The following SGK3 variants were observed in gnomAD, a reference collection of about 807,000 sequenced individuals.
The protein encoded by SGK3 is serine/threonine-protein kinase Sgk3.
A neutral mutation model predicts 68.5 loss-of-function variants in SGK3; 47 were observed. The observed-to-expected ratio is 0.69, with a 90% CI of 0.54 to 0.87. The LOEUF is 0.87. Among genes scored for constraint, SGK3 ranks in the 40% least tolerant of loss-of-function variants. The pLI is 0.00. For missense variants in SGK3, 479 were observed against 575.5 expected (o/e 0.83, Z 1.72); for synonymous variants, 181 against 189.1 (o/e 0.96, Z 0.35).
chr8:66,835,786 G>A lies in SGK3; in HGVS notation c.549G>A (p.Leu183=). 9 of 1,612,054 alleles carry A rather than the reference G, an allele frequency of 5.6e-6. No homozygotes were observed. Among genetic ancestry groups the A allele is most frequent in the Non-Finnish European group, 7.6e-6 (9 of 1,179,516 alleles). ...AGGTTCTTCTTGCAAAACGGAAACT[G>A]GATGGAAAATTTTATGCTGTCAAAG... ...FGKVLLAKRK[L]DGKFYAVKVL... The change falls in exon 9 of 17, where the codon CTG becomes CTA. Residue 183 remains leucine (L), a synonymous_variant. Coordinates refer to ENST00000521198, the MANE Select transcript of SGK3 (RefSeq NM_001033578.3).
At chr8:66,783,560 C>T (rs955836676) in intron 1 of SGK3, among the ~76,000 whole-genome samples, 3 of 152,164 alleles carry the variant, frequency 2.0e-5, no homozygotes, top group African/African-American at 4.8e-5. Context: ...CTCTGGCACC[C>T]GGCCTGGAGT....
chr8:66,767,781 T>C (rs1806368136), intron 1 of SGK3: 1 of 1,574,954 alleles, frequency 6.3e-7, no homozygotes, highest in African/African-American at 1.4e-5. Context: ...CATTGGTCTT[T>C]ACTGACTTTT....
intron 2 of SGK3, among the ~76,000 whole-genome samples, chr8:66,795,359 G>A (rs1807637388): frequency 6.6e-6 from 1 of 152,166 alleles, no homozygotes. Flanking sequence ...TATATTGCAG[G>A]AATATCTTCA....
intron 13 of SGK3, among the ~76,000 whole-genome samples, chr8:66,841,911 A>G (rs184620788): frequency 1.3e-5 from 2 of 152,290 alleles, no homozygotes; most frequent in Admixed American, 1.3e-4. Flanking sequence ...GAACTGTCCA[A>G]ATTCCAAGGT....
intron 16 of SGK3, among the ~76,000 whole-genome samples, chr8:66,858,898 T>C (rs928542223): frequency 2.0e-5 from 3 of 152,144 alleles, no homozygotes; most frequent in African/African-American, 7.2e-5. Flanking sequence ...TGGACACCCC[T>C]GTTTTAGGAG....
intron 1 of SGK3, chr8:66,767,503 T>C (rs981226516): frequency 1.3e-6 from 2 of 1,510,208 alleles, no homozygotes; most frequent in Non-Finnish European, 1.8e-6. Context: ...AGAGGGCATC[T>C]TCAAAGGTGA....
At chr8:66,776,942 A>G (rs1806736333) in intron 1 of SGK3, among the ~76,000 whole-genome samples, 1 of 152,246 alleles carries the variant, frequency 6.6e-6, no homozygotes. Flanking sequence ...GTAAACAGCC[A>G]GTATAAACAA....
intron 1 of SGK3, among the ~76,000 whole-genome samples, chr8:66,749,463 CT>C (rs1455880260): frequency 6.6e-6 from 1 of 152,094 alleles, no homozygotes; most frequent in Non-Finnish European, 1.5e-5. Flanking sequence ...TTGATGGACA[CT>C]TGGGTTGTTG....
chr8:66,836,771 C>CTTT (rs35857638), intron 10 of SGK3, among the ~76,000 whole-genome samples: 50 of 118,078 alleles, frequency 4.2e-4, no homozygotes, highest in Non-Finnish European at 6.0e-4. Context: ...GTCAGGATAT[C>CTTT]TTTTTTTTTT....
chr8:66,817,408 C>T (rs555206156), intron 5 of SGK3, among the ~76,000 whole-genome samples: 1 of 151,258 alleles, frequency 6.6e-6, no homozygotes, highest in Non-Finnish European at 1.5e-5. Context: ...TCCAGCCTGG[C>T]GACAGAGTGA....
intron 1 of SGK3, among the ~76,000 whole-genome samples, chr8:66,786,455 GC>G (rs1335876236): frequency 1.3e-5 from 2 of 152,184 alleles, no homozygotes; most frequent in African/African-American, 4.8e-5. Flanking sequence ...CTTATAATAA[GC>G]TTAGCCACTA....
chr8:66,819,530 A>G (rs960013428), intron 5 of SGK3, among the ~76,000 whole-genome samples: 8 of 152,224 alleles, frequency 5.3e-5, no homozygotes, highest in African/African-American at 1.7e-4. Context: ...TCATGTATCT[A>G]TCAAAAGTGA....
intron 1 of SGK3, among the ~76,000 whole-genome samples, chr8:66,773,603 G>A (rs1417886800): frequency 6.6e-6 from 1 of 152,116 alleles, no homozygotes; most frequent in Non-Finnish European, 1.5e-5. Flanking sequence ...TCAGCATCAC[G>A]ACTCTTGCAC....
At chr8:66,755,362 C>G (rs776328367) in intron 1 of SGK3, among the ~76,000 whole-genome samples, 23 of 152,258 alleles carry the variant, frequency 1.5e-4, no homozygotes, top group Non-Finnish European at 3.1e-4. Flanking sequence ...ACAATAACCC[C>G]CTTGGGGATG....
At position 66,835,858 on chromosome 8, in the gene SGK3, T is replaced by C. The variant is rs1809505484; in HGVS notation, c.609+12T>C. The C allele has an allele frequency of 6.2e-7, 1 of 1,609,684 alleles. No homozygotes were observed. Among genetic ancestry groups the C allele is most frequent in the Non-Finnish European group, 8.5e-7 (1 of 1,179,004 alleles). On this transcript the variant is annotated intron_variant, in intron 9 of 16. Transcript: ENST00000521198. ...TCAACAGAAAAGAGGTAAAATAAAA[T>C]AGTTGTTTCTCTCAAGCCCATTTTC...
intron 1 of SGK3, among the ~76,000 whole-genome samples, chr8:66,779,615 T>A (rs1806892123): frequency 7.0e-6 from 1 of 143,826 alleles, no homozygotes; most frequent in African/African-American, 2.5e-5. Context: ...ACACATTTTT[T>A]ATATATATAC....
chr8:66,810,167 A>T (rs1808325476), intron 4 of SGK3, among the ~76,000 whole-genome samples: 1 of 152,028 alleles, frequency 6.6e-6, no homozygotes, highest in African/African-American at 2.4e-5. Flanking sequence ...TCATGGCTTT[A>T]CTGTTTTTTT....
At chr8:66,745,124 T>C (rs557284864) in intron 1 of SGK3, among the ~76,000 whole-genome samples, 50 of 152,290 alleles carry the variant, frequency 3.3e-4, no homozygotes, top group South Asian at 6.2e-4. Flanking sequence ...CATTTGTCTA[T>C]TCCTAGCATT....
In SGK3 at chr8:66,719,063, T is replaced by G. The variant is rs534485812; in HGVS notation, c.-122+6230T>G. Reference sequence around the variant, plus strand: ...CTGCACTCCAGCCTAGGTGACAGATTGAGACCCTATCCCCCCCAATAAAAA... The same window carrying G: ...CTGCACTCCAGCCTAGGTGACAGATGGAGACCCTATCCCCCCCAATAAAAA... On this transcript the variant is annotated intron_variant, in intron 1 of 16. Coordinates refer to ENST00000521198, the MANE Select transcript of SGK3 (RefSeq NM_001033578.3). Among the ~76,000 whole-genome samples, 205 of 152,102 alleles carry G rather than the reference T, an allele frequency of 1.3e-3. 1 individual carries two copies. The highest frequency in any genetic ancestry group is 2.8e-3 in the Non-Finnish European group (191 of 68,020).
Sources: gnomAD v4.1 joint callset for allele counts (sites outside exome capture counted in the v4.1 genomes callset) on GRCh38, gnomAD v4.1.1 for gene constraint, MANE v1.5 for transcripts, NCBI Gene and HGNC (gene_info 2026-07-23, HGNC 2026-07-21) for gene names.